PLCB1: variants seen among roughly 807,000 people sequenced by gnomAD.
The protein encoded by PLCB1 is 1-phosphatidylinositol 4,5-bisphosphate phosphodiesterase beta-1.
PLCB1 carries 46 observed loss-of-function variants against 161.8 expected under a neutral mutation model. The ratio of observed to expected loss-of-function variants is 0.28; its 90% CI spans 0.22 to 0.36. The LOEUF (loss-of-function observed/expected upper bound fraction) is 0.36, where lower values mean the gene tolerates loss of function less well. PLCB1 is among the 10% of genes least tolerant of loss of function. PLCB1 has a pLI of 1.00. For missense variants in PLCB1, 1,016 were observed against 1,472.5 expected (o/e 0.69, Z 5.07); for synonymous variants, 517 against 503.7 (o/e 1.03, Z -0.35).
intron 14 of PLCB1, among the ~76,000 whole-genome samples, chr20:8,718,157 T>C (rs1979434459): frequency 6.6e-6 from 1 of 152,120 alleles, no homozygotes; most frequent in Admixed American, 6.5e-5. Context: ...GAGGCAGATG[T>C]TGCAGTAAGA....
intron 3 of PLCB1, among the ~76,000 whole-genome samples, chr20:8,616,671 G>C (rs1215574593): frequency 6.6e-6 from 1 of 152,164 alleles, no homozygotes; most frequent in African/African-American, 2.4e-5. Context: ...TAAAGACCAT[G>C]AGACAGATGC....
chr20:8,632,024 GGTTTTTTTTGCTTTTTTTTTTTTTTT>G, intron 4 of PLCB1, among the ~76,000 whole-genome samples: 1 of 91,808 alleles, frequency 1.1e-5, no homozygotes, highest in African/African-American at 3.6e-5. Flanking sequence ...GACAAATATG[GGTTTTTTTTGCTTTTTTTTTTTTTTT>G]TTTTTTTTTT....
chr20:8,182,455 G>A (rs2051853876), intron 2 of PLCB1, among the ~76,000 whole-genome samples: 1 of 152,096 alleles, frequency 6.6e-6, no homozygotes, highest in African/African-American at 2.4e-5. Context: ...TCTGTCAAGA[G>A]AACAAGCTCA....
chr20:8,273,370 A>G (rs1328768108), intron 2 of PLCB1, among the ~76,000 whole-genome samples: 2 of 152,198 alleles, frequency 1.3e-5, no homozygotes, highest in Non-Finnish European at 2.9e-5. Flanking sequence ...TGAAATTGGA[A>G]AAATTGAGTT....
In PLCB1 at chr20:8,883,925, A is replaced by C. The variant is rs1988084767; in HGVS notation, c.*2076A>C. On this transcript the variant is annotated 3_prime_UTR_variant, in exon 32 of 32. Transcript: ENST00000338037. ...CGAATGCTGCATTTTTATAAACAAA[A>C]TTACAGACTGTCTGAAATTGAAGAA... is the stretch of plus-strand genomic sequence containing the variant. 1 of 152,578 alleles carries C rather than the reference A, an allele frequency of 6.6e-6. No homozygotes were observed. The highest frequency in any genetic ancestry group is 2.1e-4 in the South Asian group (1 of 4,828). 9.5% of individuals were successfully genotyped at this position (152,578 alleles called of 1,614,324 possible).
intron 11 of PLCB1, 47 bp from the exon 12 acceptor site, chr20:8,708,623 G>A: frequency 8.8e-7 from 1 of 1,134,284 alleles, no homozygotes; most frequent in Non-Finnish European, 1.3e-6. Context: ...AGAATATACA[G>A]ATGAAAAATT....
intron 1 of PLCB1, among the ~76,000 whole-genome samples, chr20:8,134,806 G>A (rs893215295): frequency 2.6e-5 from 4 of 151,446 alleles, no homozygotes; most frequent in Admixed American, 6.6e-5. Context: ...TTCCAAGGAA[G>A]CCCTCCTGAA....
At chr20:8,258,935 C>A (rs1240333215) in intron 2 of PLCB1, among the ~76,000 whole-genome samples, 1 of 152,188 alleles carries the variant, frequency 6.6e-6, no homozygotes, top group Non-Finnish European at 1.5e-5. Flanking sequence ...TCACTGGCAA[C>A]ATTTCCATGC....
intron 2 of PLCB1, among the ~76,000 whole-genome samples, chr20:8,242,887 G>A (rs996397724): frequency 6.6e-6 from 1 of 151,918 alleles, no homozygotes; most frequent in African/African-American, 2.4e-5. Flanking sequence ...TGGGAATAAT[G>A]GCCATAAGGC....
chr20:8,330,651 A>G (rs957499155), intron 2 of PLCB1, among the ~76,000 whole-genome samples: 16 of 152,186 alleles, frequency 1.1e-4, no homozygotes, highest in African/African-American at 3.9e-4. Context: ...TATTTTCTTG[A>G]TAGCATTCAA....
chr20:8,857,279 G>A (rs959783476), intron 31 of PLCB1, among the ~76,000 whole-genome samples: 11 of 152,070 alleles, frequency 7.2e-5, no homozygotes, highest in African/African-American at 2.7e-4. Context: ...GAAGAATGGT[G>A]GGTTTTTGAA....
intron 2 of PLCB1, among the ~76,000 whole-genome samples, chr20:8,238,030 G>A (rs1015959807): frequency 2.0e-5 from 3 of 151,952 alleles, no homozygotes; most frequent in Non-Finnish European, 2.9e-5. Context: ...TCTCAAAGAC[G>A]AAAATGAATG....
intron 9 of PLCB1, among the ~76,000 whole-genome samples, chr20:8,681,102 A>ATATAT (rs1335093659): frequency 2.3e-5 from 3 of 131,134 alleles, no homozygotes; most frequent in Non-Finnish European, 3.3e-5. Context: ...ATATATATAT[A>ATATAT]TATATATATA....
chr20:8,478,556 A>G (rs976226562), intron 3 of PLCB1, among the ~76,000 whole-genome samples: 3 of 152,272 alleles, frequency 2.0e-5, no homozygotes, highest in East Asian at 3.9e-4. Context: ...ATGAGAGCTT[A>G]CCCTTAAACA....
intron 31 of PLCB1, among the ~76,000 whole-genome samples, chr20:8,794,582 A>T (rs1983926192): frequency 6.6e-6 from 1 of 152,168 alleles, no homozygotes; most frequent in Admixed American, 6.5e-5. Flanking sequence ...TTCTTTCACC[A>T]TGTTGTTGTA....
At chr20:8,703,459 T>G (rs1043851690) in intron 11 of PLCB1, among the ~76,000 whole-genome samples, 1 of 152,066 alleles carries the variant, frequency 6.6e-6, no homozygotes, top group African/African-American at 2.4e-5. Context: ...GTAGAAGGTG[T>G]GGGCATCCTC....
At chr20:8,470,567 A>C in intron 3 of PLCB1, among the ~76,000 whole-genome samples, 1 of 152,052 alleles carries the variant, frequency 6.6e-6, no homozygotes, top group Non-Finnish European at 1.5e-5. Flanking sequence ...ATCCTTTGAG[A>C]CAAGGTCTCA....
chr20:8,280,580 C>G (rs1004632787), intron 2 of PLCB1, among the ~76,000 whole-genome samples: 2 of 152,016 alleles, frequency 1.3e-5, no homozygotes, highest in African/African-American at 4.8e-5. Context: ...AACAATATAG[C>G]CTTCCAGGAA....
chr20:8,510,067 T>C (rs1470980280), intron 3 of PLCB1, among the ~76,000 whole-genome samples: 2 of 152,194 alleles, frequency 1.3e-5, no homozygotes, highest in African/African-American at 2.4e-5. Context: ...AATGTCTTGA[T>C]TGATTGACTG....
Sources: allele counts gnomAD v4.1 joint callset (sites outside exome capture counted in the v4.1 genomes callset), GRCh38; gene constraint gnomAD v4.1.1; transcripts MANE v1.5; gene names NCBI Gene and HGNC (gene_info 2026-07-23, HGNC 2026-07-21).